Variants in NRXN1 observed in about 807,000 individuals in gnomAD.
NRXN1 encodes neurexin 1.
In NRXN1, 39 loss-of-function variants were observed where a neutral mutation model predicts 150.9. That is an observed-to-expected ratio of 0.26 (90% confidence interval 0.20 to 0.34). The LOEUF (loss-of-function observed/expected upper bound fraction) is 0.34. NRXN1 is among the 10% of genes least tolerant of loss of function. The pLI is 1.00. For missense variants in NRXN1, 1,815 were observed against 1,949.9 expected (o/e 0.93, Z 1.30); for synonymous variants, 924 against 757.0 (o/e 1.22, Z -3.62).
At chr2:50,065,734 C>G (rs1695259898) in intron 19 of NRXN1, among the ~76,000 whole-genome samples, 1 of 152,070 alleles carries the variant, frequency 6.6e-6, no homozygotes, top group Non-Finnish European at 1.5e-5. Context: ...ATGTTCCAGA[C>G]ATTCCTTGTC....
intron 18 of NRXN1, among the ~76,000 whole-genome samples, chr2:50,159,937 CCT>C (rs1287451915): frequency 6.6e-6 from 1 of 152,056 alleles, no homozygotes; most frequent in East Asian, 1.9e-4. Flanking sequence ...AAAAAACTGT[CCT>C]CTTTATTTTA....
chr2:50,460,197 T>C (rs1488209672), intron 17 of NRXN1, among the ~76,000 whole-genome samples: 1 of 152,178 alleles, frequency 6.6e-6, no homozygotes, highest in Non-Finnish European at 1.5e-5. Context: ...ATAAGATCGA[T>C]GATGAAGAGT....
intron 11 of NRXN1, among the ~76,000 whole-genome samples, chr2:50,530,634 T>C (rs978062630): frequency 6.6e-6 from 1 of 152,172 alleles, no homozygotes; most frequent in Non-Finnish European, 1.5e-5. Context: ...AGTGTTCTCA[T>C]GGCTGTTTGC....
intron 18 of NRXN1, among the ~76,000 whole-genome samples, chr2:50,125,255 C>G (rs1027235826): frequency 1.3e-5 from 2 of 152,052 alleles, no homozygotes; most frequent in African/African-American, 4.8e-5. Context: ...TCTCAGTAGT[C>G]CTAAATTTCA....
chr2:50,822,279 T>C (rs1302371060), intron 5 of NRXN1, among the ~76,000 whole-genome samples: 1 of 152,150 alleles, frequency 6.6e-6, no homozygotes, highest in East Asian at 1.9e-4. Context: ...TTTCTCTCAG[T>C]ATCTAAAACA....
intron 17 of NRXN1, among the ~76,000 whole-genome samples, chr2:50,284,884 A>C (rs1253799285): frequency 6.6e-6 from 1 of 152,208 alleles, no homozygotes; most frequent in African/African-American, 2.4e-5. Context: ...ATTTATAACA[A>C]AACCATTTTA....
In NRXN1 at chr2:50,359,404, A is replaced by T. The variant is rs1257494025; in HGVS notation, c.3364+106038T>A. On this transcript the variant is annotated intron_variant, in intron 17 of 22. Coordinates refer to ENST00000401669, the MANE Select transcript of NRXN1 (RefSeq NM_001330078.2). Reference sequence around the variant, plus strand: ...GCTAATTAGAATAACCAGTTTAGAGAAGAACATAAATGACCTGATGGAGCT... The same window carrying T: ...GCTAATTAGAATAACCAGTTTAGAGTAGAACATAAATGACCTGATGGAGCT... 3.3e-5 allele frequency among the ~76,000 whole-genome samples: 5 copies of T among 152,000 alleles called. No homozygotes were observed. The East Asian group carries it at 9.8e-4, about 30-fold the overall frequency.
intron 18 of NRXN1, among the ~76,000 whole-genome samples, chr2:50,104,765 A>G (rs1216771839): frequency 6.6e-6 from 1 of 152,036 alleles, no homozygotes; most frequent in African/African-American, 2.4e-5. Context: ...TTTGTGTGCT[A>G]AACTATACCA....
At chr2:50,893,443 C>T (rs917859866) in intron 5 of NRXN1, among the ~76,000 whole-genome samples, 12 of 152,096 alleles carry the variant, frequency 7.9e-5, no homozygotes, top group African/African-American at 2.7e-4. Flanking sequence ...AAGGCAGCCT[C>T]AATAAAGCAT....
chr2:50,539,533 A>AG (rs2093344065), intron 9 of NRXN1, among the ~76,000 whole-genome samples: 1 of 152,158 alleles, frequency 6.6e-6, no homozygotes, highest in African/African-American at 2.4e-5. Context: ...TGAAAAAAAA[A>AG]GAAAGATATA....
At chr2:50,492,659 C>T (rs1447874733) in intron 15 of NRXN1, among the ~76,000 whole-genome samples, 1 of 152,196 alleles carries the variant, frequency 6.6e-6, no homozygotes, top group African/African-American at 2.4e-5. Flanking sequence ...TGGCCTTCTG[C>T]TGCCCTCTAG....
At chr2:50,118,401 T>C (rs555777577) in intron 18 of NRXN1, among the ~76,000 whole-genome samples, 1 of 152,092 alleles carries the variant, frequency 6.6e-6, no homozygotes, top group Non-Finnish European at 1.5e-5. Flanking sequence ...TTTAAATAAT[T>C]TGAATGTAAA....
intron 5 of NRXN1, chr2:50,739,176 T>C (rs900367230): frequency 5.3e-5 from 20 of 378,384 alleles, no homozygotes; most frequent in South Asian, 8.3e-5. Context: ...TTCTTACAAA[T>C]CCTTATGATT....
At chr2:50,107,104 A>T (rs188011861) in intron 18 of NRXN1, among the ~76,000 whole-genome samples, 2 of 152,146 alleles carry the variant, frequency 1.3e-5, no homozygotes, top group East Asian at 3.9e-4. Context: ...CACCTAAAAT[A>T]ACTTTTCAAC....
intron 21 of NRXN1, chr2:50,019,408 G>A: frequency 2.2e-6 from 1 of 444,646 alleles, no homozygotes; most frequent in Admixed American, 2.5e-5. Context: ...ACTTTGGGAG[G>A]CCGAGGTGGG....
chr2:50,820,317 A>G (rs1305533455), intron 5 of NRXN1, among the ~76,000 whole-genome samples: 1 of 151,978 alleles, frequency 6.6e-6, no homozygotes, highest in Non-Finnish European at 1.5e-5. Flanking sequence ...TTACTTTCTA[A>G]CACCACTTCC....
intron 17 of NRXN1, among the ~76,000 whole-genome samples, chr2:50,249,041 T>G (rs576299521): frequency 6.7e-6 from 1 of 150,002 alleles, no homozygotes; most frequent in Non-Finnish European, 1.5e-5. Context: ...TCTGTAGTCC[T>G]AGCTACTTGG....
Position 50,346,920 on chromosome 2 carries a change from G to C in NRXN1, c.3365-109950C>G, listed in dbSNP as rs1373566940. 2.3e-6 allele frequency: 3 copies of C among 1,295,412 alleles called. No homozygotes were observed. Among genetic ancestry groups the C allele is most frequent in the Non-Finnish European group, 2.9e-6 (3 of 1,021,070 alleles). 80.2% of individuals were successfully genotyped at this position (1,295,412 alleles called of 1,614,324 possible). On this transcript the variant is annotated intron_variant, in intron 17 of 22. Coordinates refer to ENST00000401669, the MANE Select transcript of NRXN1 (RefSeq NM_001330078.2). This position sits in a 1 kb window ranked among gnomAD's most constrained non-coding sequence, Gnocchi z 5.0. ...CGCCGCCCCCGGGCGAGCCCAGCTC[G>C]GCGCCGCACCGGAGCATCCTCTGGT... is the stretch of plus-strand genomic sequence containing the variant.
intron 10 of NRXN1, among the ~76,000 whole-genome samples, chr2:50,534,477 C>T (rs1366417283): frequency 2.0e-5 from 3 of 151,972 alleles, no homozygotes; most frequent in Non-Finnish European, 2.9e-5. Context: ...GGTCAAAGAC[C>T]AGTGCAAATA....
Sources: allele counts gnomAD v4.1 joint callset (sites outside exome capture counted in the v4.1 genomes callset), GRCh38; gene constraint gnomAD v4.1.1; non-coding constraint Gnocchi (gnomAD v3.1); transcripts MANE v1.5; gene names NCBI Gene and HGNC (gene_info 2026-07-23, HGNC 2026-07-21).